GIT2: variants seen among roughly 807,000 people sequenced by gnomAD.
GIT2 encodes the protein ARF GTPase-activating protein GIT2.
A neutral mutation model predicts 100.3 loss-of-function variants in GIT2; 32 were observed. The observed-to-expected ratio is 0.32, with a 90% CI of 0.24 to 0.43. The LOEUF is 0.43. Among genes scored for constraint, GIT2 ranks in the 20% least tolerant of loss-of-function variants. GIT2 has a pLI of 1.00. For synonymous variants in GIT2, 353 were observed against 364.1 expected, an observed-to-expected ratio of 0.97 and a Z score of 0.35; for missense variants, 737 against 975.1, an observed-to-expected ratio of 0.76 and a Z score of 3.25.
chr12:109,991,563 G>A (rs960522314), intron 2 of GIT2, 64 bp downstream of exon 2: 1 of 1,323,866 alleles, frequency 7.6e-7, no homozygotes, highest in African/African-American at 1.5e-5. Context: ...AGAAATTTAA[G>A]TTATTAACAT....
chr12:109,963,981 C>T (rs1049536781), intron 9 of GIT2, among the ~76,000 whole-genome samples: 8 of 152,206 alleles, frequency 5.3e-5, no homozygotes, highest in African/African-American at 1.9e-4. Context: ...GAGAGCTATA[C>T]TAGACTCTGT....
In GIT2 at chr12:109,944,613, A is replaced by T. The variant is rs1251629822; in HGVS notation, c.1731+647T>A. On this transcript the variant is annotated intron_variant, in intron 16 of 19. Transcript: ENST00000355312. The stretch of plus-strand genomic sequence containing the variant: ...ACTTACTGCCTGACTACTCTAAAAG[A>T]GGCTTACCTGAATCATGCACTGCTA... Among the ~76,000 whole-genome samples the T allele has an allele frequency of 4.6e-5, 7 of 152,230 alleles. No individual in the cohort carries two copies. The East Asian group carries it at 1.2e-3, about 25-fold the overall frequency.
chr12:109,938,519 A>G lies in GIT2; in HGVS notation c.1864T>C (p.Leu622=). Residue 622 remains leucine, a synonymous_variant, in exon 18 of 20, where the codon TTG becomes CTG. Coordinates refer to ENST00000355312, the MANE Select transcript of GIT2 (RefSeq NM_057169.5). ...QRSMVWPGDG[L]VPDTAEPHVA... ...TGGGGTTCTGCTGTGTCTGGTACCA[A>G]GCCATCCCCTGGCCACACCATACTT... 6.2e-7 allele frequency: 1 copy of G among 1,612,352 alleles called. No homozygotes were observed. The highest frequency in any genetic ancestry group is 1.1e-5 in the South Asian group (1 of 90,820).
chr12:109,986,492 T>C (rs767123130), intron 4 of GIT2, among the ~76,000 whole-genome samples: 6 of 152,012 alleles, frequency 3.9e-5, no homozygotes, highest in Admixed American at 2.6e-4. Context: ...TGGCCGGGCG[T>C]GGTGGCTTAC....
intron 4 of GIT2, among the ~76,000 whole-genome samples, chr12:109,985,430 A>AGGGG (rs1566013820): frequency 9.9e-5 from 15 of 152,128 alleles, no homozygotes; most frequent in African/African-American, 3.6e-4. Context: ...GGGGGGGGAA[A>AGGGG]AAAGGCCAGA....
intron 12 of GIT2, among the ~76,000 whole-genome samples, chr12:109,955,056 T>C (rs1403686925): frequency 6.6e-6 from 1 of 152,220 alleles, no homozygotes; most frequent in Non-Finnish European, 1.5e-5. Flanking sequence ...TATTTGTTGA[T>C]CTATTTCTAG....
At chr12:109,945,132 G>A (rs570037616) in intron 16 of GIT2, 128 bp downstream of exon 16, 1 of 636,366 alleles carries the variant, frequency 1.6e-6, no homozygotes, top group African/African-American at 1.8e-5. Context: ...TGAGAAACCA[G>A]GAGGAAGTGC....
intron 18 of GIT2, among the ~76,000 whole-genome samples, chr12:109,935,948 G>A (rs751068098): frequency 7.9e-5 from 12 of 152,116 alleles, no homozygotes; most frequent in Non-Finnish European, 7.3e-5. Context: ...AAAGGTTTTC[G>A]TGCATAATAT....
intron 7 of GIT2, among the ~76,000 whole-genome samples, chr12:109,970,304 T>G (rs1037095347): frequency 2.0e-5 from 3 of 151,956 alleles, no homozygotes; most frequent in Admixed American, 2.0e-4. Flanking sequence ...CCATCCTGAC[T>G]AACACGGTGA....
intron 3 of GIT2, among the ~76,000 whole-genome samples, 159 bp from the exon 4 acceptor site, chr12:109,989,227 T>G (rs1887955876): frequency 6.6e-6 from 1 of 152,216 alleles, no homozygotes; most frequent in South Asian, 2.1e-4. Flanking sequence ...ACCTGCAGTT[T>G]GAAAACATAC....
chr12:109,989,500 G>C (rs138220935), intron 3 of GIT2, among the ~76,000 whole-genome samples, 190 bp downstream of exon 3: 1 of 152,184 alleles, frequency 6.6e-6, no homozygotes, highest in East Asian at 1.9e-4. Flanking sequence ...ACTCCTGCTG[G>C]GTGGCCATGC....
At position 109,945,321 on chromosome 12, in the gene GIT2, G is replaced by A. The variant is rs1291086423; in HGVS notation, c.1670C>T (p.Ser557Phe). ...HIGRSALVTSSSSLPSFPSTL... is the reference protein window; with the variant it reads ...HIGRSALVTSFSSLPSFPSTL... ...GGAGGGGAAGGAAGGCAGAGATGAA[G>A]AGGAGGTCACAAGTGCACTCCTCCC... The change falls in exon 16 of 20, where the codon TCT (serine) becomes TTT (phenylalanine). Residue 557 changes from serine to phenylalanine, a missense_variant. Physicochemically the swap from Ser to Phe is radical, Grantham distance 155. Coordinates refer to ENST00000355312, the MANE Select transcript of GIT2 (RefSeq NM_057169.5). 6.3e-7 allele frequency: 1 copy of A among 1,581,764 alleles called. No individual in the cohort carries two copies. The highest frequency in any genetic ancestry group is 2.2e-5 in the East Asian group (1 of 44,714).
intron 1 of GIT2, among the ~76,000 whole-genome samples, chr12:109,995,750 T>C (rs1410578935): frequency 6.6e-6 from 1 of 152,036 alleles, no homozygotes; most frequent in Non-Finnish European, 1.5e-5. Flanking sequence ...GGGAGTGTCA[T>C]CCTCCCCGGG....
intron 6 of GIT2, 157 bp downstream of exon 6, chr12:109,983,216 G>A (rs1243863955): frequency 4.6e-6 from 3 of 658,374 alleles, no homozygotes; most frequent in East Asian, 2.8e-5. Flanking sequence ...TTGCCAGGCT[G>A]AGCTTATATG....
chr12:109,968,451 T>C (rs1031121839), intron 7 of GIT2, among the ~76,000 whole-genome samples: 3 of 152,230 alleles, frequency 2.0e-5, no homozygotes, highest in African/African-American at 7.2e-5. Flanking sequence ...GAGACAGAGT[T>C]TCACTCTTGT....
intron 12 of GIT2, chr12:109,954,134 C>A (rs1878695083): frequency 6.6e-6 from 1 of 152,130 alleles, no homozygotes; most frequent in Non-Finnish European, 1.5e-5. Flanking sequence ...TGGTGAAACC[C>A]CGCCTCTACT....
In GIT2 at chr12:109,947,149, G is replaced by A. The variant is rs1404130684; in HGVS notation, c.1641+107C>T. The A allele has an allele frequency of 9.8e-7, 1 of 1,021,788 alleles. No individual in the cohort carries two copies. Among genetic ancestry groups the A allele is most frequent in the Non-Finnish European group, 1.5e-6 (1 of 681,958 alleles). 63.3% of individuals were successfully genotyped at this position (1,021,788 alleles called of 1,614,324 possible). A position where few individuals can be genotyped will look rare whatever the true frequency, so the allele number is the denominator to read the frequency against. ...AGCAAACACAATGGTAACTCTCTTA[G>A]TCCAATTTGGCAAAGCAGAGCTGTG... On this transcript the variant is annotated intron_variant, in intron 15 of 19. Coordinates refer to ENST00000355312, the MANE Select transcript of GIT2 (RefSeq NM_057169.5). The surrounding 1 kb of genome is among the most constrained non-coding windows in gnomAD (Gnocchi z 4.3).
At chr12:109,957,061 C>T (rs1416314011) in intron 12 of GIT2, among the ~76,000 whole-genome samples, 1 of 151,854 alleles carries the variant, frequency 6.6e-6, no homozygotes, top group Non-Finnish European at 1.5e-5. Flanking sequence ...TACTTTGTCT[C>T]ATATAATTAC....
At chr12:109,971,381 G>A (rs955400032) in intron 7 of GIT2, among the ~76,000 whole-genome samples, 8 of 151,910 alleles carry the variant, frequency 5.3e-5, no homozygotes, top group African/African-American at 1.9e-4. Context: ...CTGGAGTGCA[G>A]TGGCAAGATC....
Sources: allele counts gnomAD v4.1 joint callset (sites outside exome capture counted in the v4.1 genomes callset), GRCh38; gene constraint gnomAD v4.1.1; non-coding constraint Gnocchi (gnomAD v3.1); transcripts MANE v1.5; gene names NCBI Gene and HGNC (gene_info 2026-07-23, HGNC 2026-07-21).